Variants in DSCAML1 observed in about 807,000 individuals in gnomAD.
The protein encoded by DSCAML1 is DS cell adhesion molecule like 1, also known as cell adhesion molecule DSCAML1.
Under a neutral mutation model 200.5 loss-of-function variants are expected in DSCAML1, and 38 were observed. That is an observed-to-expected ratio of 0.19 (90% CI 0.15 to 0.25). DSCAML1 has a LOEUF of 0.25. Among genes scored for constraint, DSCAML1 ranks in the 10% least tolerant of loss-of-function variants. The probability of loss-of-function intolerance (pLI) is 1.00; values close to 1 mark genes in which losing one functional copy is unlikely to be tolerated. For synonymous variants in DSCAML1, 1,215 were observed against 1,165.0 expected (o/e 1.04, Z -0.87); for missense variants, 2,223 against 2,858.8 (o/e 0.78, Z 5.07).
intron 3 of DSCAML1, among the ~76,000 whole-genome samples, chr11:117,727,807 T>C (rs2064074456): frequency 6.6e-6 from 1 of 152,118 alleles, no homozygotes; most frequent in African/African-American, 2.4e-5. Flanking sequence ...TGGGGAGCTG[T>C]TGAGTAGAGC....
chr11:117,685,179 A>G (rs900627364), intron 3 of DSCAML1, among the ~76,000 whole-genome samples: 1 of 152,182 alleles, frequency 6.6e-6, no homozygotes, highest in Non-Finnish European at 1.5e-5. Flanking sequence ...CTTGTGAGGG[A>G]AGCTGTAGGA....
chr11:117,719,007 T>C (rs1335204843), intron 3 of DSCAML1, among the ~76,000 whole-genome samples: 2 of 152,166 alleles, frequency 1.3e-5, no homozygotes, highest in Admixed American at 6.5e-5. Context: ...AAAGAGGCCA[T>C]GGGCCTGATT....
intron 3 of DSCAML1, among the ~76,000 whole-genome samples, chr11:117,721,673 A>C (rs2054043075): frequency 6.8e-6 from 1 of 147,874 alleles, no homozygotes; most frequent in Non-Finnish European, 1.5e-5. Context: ...TAATATATAA[A>C]TATATAAGCA....
Position 117,482,134 on chromosome 11 carries a change from G to A in DSCAML1, c.2388C>T (p.Asn796=). ...KIPAMITSHP[N]TTIAIKGHAK... is the part of the protein sequence containing the mutation. ...CATGGCCCTTGATGGCGATGGTGGT[G>A]TTGGGGTGGGAAGTGATCATGGCCG... Residue 796 remains asparagine, a synonymous_variant, in exon 12 of 33, where the codon AAC becomes AAT. Coordinates refer to ENST00000651296, the MANE Select transcript of DSCAML1 (RefSeq NM_020693.4). The A allele has an allele frequency of 6.2e-7, 1 of 1,614,172 alleles. No individual in the cohort carries two copies. The highest frequency in any genetic ancestry group is 8.5e-7 in the Non-Finnish European group (1 of 1,179,990).
upstream of DSCAML1, chr11:117,797,283 G>T: frequency 7.5e-7 from 1 of 1,337,332 alleles, no homozygotes; most frequent in Non-Finnish European, 9.5e-7. Flanking sequence ...CTAGGCGGCC[G>T]CTCTCCCCGC....
intron 3 of DSCAML1, among the ~76,000 whole-genome samples, chr11:117,566,989 T>G (rs1483315360): frequency 6.6e-6 from 1 of 152,292 alleles, no homozygotes; most frequent in East Asian, 1.9e-4. Flanking sequence ...TGTTGGACAT[T>G]TGGGTTGGTT....
rs2047808196 is a variant in DSCAML1, at chr11:117,431,946, C to T, written c.5180-218G>A. Among the ~76,000 whole-genome samples, 3 of 152,144 alleles carry T rather than the reference C, an allele frequency of 2.0e-5. 1 individual carries two copies. Among genetic ancestry groups the T allele is most frequent in the Non-Finnish European group, 4.4e-5 (3 of 68,022 alleles). ...GGAGGGGGCAGTGGAGGGCATTCTC[C>T]CCGCCCACCCCATCTTTTCCTTCCA... On this transcript the variant is annotated intron_variant, in intron 30 of 32. Transcript: ENST00000651296.
intron 16 of DSCAML1, among the ~76,000 whole-genome samples, chr11:117,465,620 T>G (rs1299180143): frequency 1.3e-5 from 2 of 152,208 alleles, no homozygotes; most frequent in Non-Finnish European, 2.9e-5. Context: ...ATTTCACTTA[T>G]GCATTAGTGA....
At chr11:117,562,818 A>G (rs2050688581) in intron 3 of DSCAML1, among the ~76,000 whole-genome samples, 1 of 152,090 alleles carries the variant, frequency 6.6e-6, no homozygotes. Context: ...TGCAACCTCC[A>G]TCTCCCGGGT....
chr11:117,687,463 G>A (rs1037513642), intron 3 of DSCAML1, among the ~76,000 whole-genome samples: 14 of 112,956 alleles, frequency 1.2e-4, no homozygotes, highest in Non-Finnish European at 1.4e-4. Flanking sequence ...ATGGGGTCTC[G>A]CTATTTTGCC....
At chr11:117,482,978 A>G (rs1275520635) in intron 11 of DSCAML1, among the ~76,000 whole-genome samples, 1 of 152,222 alleles carries the variant, frequency 6.6e-6, no homozygotes, top group African/African-American at 2.4e-5. Context: ...TACAAGAAGT[A>G]AGATCCACAA....
intron 8 of DSCAML1, among the ~76,000 whole-genome samples, chr11:117,506,890 G>A (rs1159531547): frequency 6.6e-6 from 1 of 152,176 alleles, no homozygotes; most frequent in East Asian, 1.9e-4. Flanking sequence ...TGGGTGGCAG[G>A]AAAGAGCAGA....
intron 1 of DSCAML1, among the ~76,000 whole-genome samples, chr11:117,787,239 T>C (rs2055373123): frequency 1.3e-5 from 2 of 152,240 alleles, no homozygotes; most frequent in South Asian, 4.1e-4. Context: ...AGGGTTGTTA[T>C]GGTTGGACGA....
intron 1 of DSCAML1, among the ~76,000 whole-genome samples, chr11:117,789,254 TA>T (rs977730732): frequency 2.6e-5 from 4 of 152,172 alleles, no homozygotes; most frequent in Admixed American, 2.6e-4. Context: ...CAGGAGAAGT[TA>T]TGAGCAACAG....
intron 3 of DSCAML1, among the ~76,000 whole-genome samples, chr11:117,665,629 C>T (rs758819682): frequency 2.1e-4 from 32 of 152,176 alleles, no homozygotes; most frequent in Non-Finnish European, 2.5e-4. Flanking sequence ...GTCATTGTCC[C>T]TATTTTACAG....
chr11:117,797,880 C>T (rs1266784025), upstream of DSCAML1, among the ~76,000 whole-genome samples: 1 of 152,224 alleles, frequency 6.6e-6, no homozygotes, highest in Non-Finnish European at 1.5e-5. Flanking sequence ...CTTCACCTAC[C>T]CACCCCTATA....
chr11:117,450,409 C>T, intron 20 of DSCAML1, 140 bp downstream of exon 20: 2 of 1,222,596 alleles, frequency 1.6e-6, no homozygotes, highest in Non-Finnish European at 2.3e-6. Context: ...TCTGGGTGGC[C>T]AGTCCCCATT....
At chr11:117,462,229 C>T (rs1246308809) in intron 17 of DSCAML1, among the ~76,000 whole-genome samples, 1 of 152,238 alleles carries the variant, frequency 6.6e-6, no homozygotes, top group Admixed American at 6.5e-5. Context: ...TATTCAAACA[C>T]ACCAAAAGGC....
At chr11:117,799,549 CCGGG>C (rs2055637889), upstream of DSCAML1, among the ~76,000 whole-genome samples, 1 of 152,180 alleles carries the variant, frequency 6.6e-6, no homozygotes, top group Non-Finnish European at 1.5e-5. Context: ...TCTGGCTGTC[CCGGG>C]AGGAGACATA....
Sources: gnomAD v4.1 joint callset for allele counts (sites outside exome capture counted in the v4.1 genomes callset) on GRCh38, gnomAD v4.1.1 for gene constraint, MANE v1.5 for transcripts, NCBI Gene and HGNC (gene_info 2026-07-23, HGNC 2026-07-21) for gene names.